The following KIAA1328 variants were observed in gnomAD, a reference collection of about 807,000 sequenced individuals.
KIAA1328 encodes the protein KIAA1328, also known as protein hinderin.
In KIAA1328, 52 loss-of-function variants were observed where a neutral mutation model predicts 68.1. That is an observed-to-expected ratio of 0.76 (90% CI 0.61 to 0.96). The LOEUF is 0.96. Ranked by LOEUF, KIAA1328 falls within the 40% of genes least tolerant of loss-of-function variation. The probability of loss-of-function intolerance (pLI) is 0.00; values close to 1 mark genes in which losing one functional copy is unlikely to be tolerated. For synonymous variants in KIAA1328, 232 were observed against 239.4 expected (o/e 0.97, Z 0.28); for missense variants, 641 against 677.6 (o/e 0.95, Z 0.60).
chr18:36,904,411 A>C (rs1002467420), intron 5 of KIAA1328, among the ~76,000 whole-genome samples: 5 of 152,062 alleles, frequency 3.3e-5, no homozygotes, highest in African/African-American at 1.2e-4. Context: ...TTCCATTTTT[A>C]GATGCACAAA....
intron 7 of KIAA1328, among the ~76,000 whole-genome samples, chr18:37,159,704 A>G (rs1302442043): frequency 6.6e-6 from 1 of 152,198 alleles, no homozygotes; most frequent in African/African-American, 2.4e-5. Flanking sequence ...TATGGAGTCT[A>G]GTTCTTCTAC....
intron 5 of KIAA1328, among the ~76,000 whole-genome samples, chr18:36,917,762 C>T (rs1010899936): frequency 6.6e-6 from 1 of 152,128 alleles, no homozygotes; most frequent in African/African-American, 2.4e-5. Flanking sequence ...CTGACATTGT[C>T]ATCCTTAACT....
chr18:37,169,707 A>T (rs1255864344), intron 8 of KIAA1328, among the ~76,000 whole-genome samples: 1 of 152,268 alleles, frequency 6.6e-6, no homozygotes, highest in Non-Finnish European at 1.5e-5. Flanking sequence ...AAAAAAGAAC[A>T]GTTAAACTTG....
chr18:37,109,405 A>G (rs2057865782), intron 7 of KIAA1328, among the ~76,000 whole-genome samples: 1 of 152,200 alleles, frequency 6.6e-6, no homozygotes, highest in Admixed American at 6.5e-5. Context: ...TAGCCTAAGA[A>G]TTAGCTTTTT....
At chr18:37,120,166 G>A (rs1021530996) in intron 7 of KIAA1328, among the ~76,000 whole-genome samples, 3 of 151,954 alleles carry the variant, frequency 2.0e-5, no homozygotes, top group African/African-American at 7.3e-5. Flanking sequence ...ATCAGAGGCA[G>A]GGGAAGCATA....
chr18:36,833,105 G>A (rs2046552099), intron 1 of KIAA1328: 2 of 152,226 alleles, frequency 1.3e-5, no homozygotes, highest in Non-Finnish European at 2.9e-5. Context: ...GCCTCCCAAA[G>A]TGCTGGGATT....
chr18:36,951,847 C>T (rs9789215), intron 5 of KIAA1328, among the ~76,000 whole-genome samples: 111,429 of 152,182 alleles, frequency 0.73, 43,957 homozygotes, highest in South Asian at 0.89. Flanking sequence ...TCATGCCCCT[C>T]TCATCTCTTG....
chr18:37,154,263 C>T (rs991942198), intron 7 of KIAA1328, among the ~76,000 whole-genome samples: 1 of 152,116 alleles, frequency 6.6e-6, no homozygotes, highest in Non-Finnish European at 1.5e-5. Flanking sequence ...GTCCATCGCT[C>T]TTATTAAAAA....
chr18:37,040,558 T>G (rs1201482127), intron 6 of KIAA1328, among the ~76,000 whole-genome samples: 1 of 152,046 alleles, frequency 6.6e-6, no homozygotes, highest in Non-Finnish European at 1.5e-5. Flanking sequence ...CCAATTTTGT[T>G]TTTGTTTTCT....
chr18:37,196,181 GT>G (rs1176278135), intron 9 of KIAA1328, among the ~76,000 whole-genome samples: 1 of 152,134 alleles, frequency 6.6e-6, no homozygotes, highest in South Asian at 2.1e-4. Flanking sequence ...AATTCTAAGA[GT>G]TTTTGGTGAC....
intron 5 of KIAA1328, among the ~76,000 whole-genome samples, chr18:36,920,910 A>C (rs2049894325): frequency 6.6e-6 from 1 of 152,126 alleles, no homozygotes; most frequent in Admixed American, 6.5e-5. Context: ...TGTGAAGTCT[A>C]GCTAGCATCC....
chr18:36,944,790 G>A (rs2050840485), intron 5 of KIAA1328, among the ~76,000 whole-genome samples: 1 of 152,106 alleles, frequency 6.6e-6, no homozygotes, highest in African/African-American at 2.4e-5. Context: ...CAGCAAAGAG[G>A]ATAAAACCCC....
chr18:37,091,866 C>A (rs1225204863), intron 7 of KIAA1328, among the ~76,000 whole-genome samples: 1 of 152,144 alleles, frequency 6.6e-6, no homozygotes, highest in Non-Finnish European at 1.5e-5. Context: ...CAAAGGGAGC[C>A]AAAGCATGCG....
chr18:36,839,642 G>T (rs1235848311), intron 3 of KIAA1328, among the ~76,000 whole-genome samples: 2 of 152,140 alleles, frequency 1.3e-5, no homozygotes, highest in African/African-American at 4.8e-5. Context: ...AAGACAGTAT[G>T]CATTTTGCCT....
chr18:37,048,376 T>C (rs1307835288), intron 6 of KIAA1328, among the ~76,000 whole-genome samples: 3 of 152,160 alleles, frequency 2.0e-5, no homozygotes, highest in Non-Finnish European at 4.4e-5. Flanking sequence ...TCCTTCTTTA[T>C]GATGTGAGAG....
Position 37,222,184 on chromosome 18 carries a change from A to G in KIAA1328, c.1691A>G (p.Glu564Gly). 1 of 1,597,124 alleles carries G rather than the reference A, an allele frequency of 6.3e-7. No homozygotes were observed. Among genetic ancestry groups the G allele is most frequent in the East Asian group, 2.3e-5 (1 of 44,310 alleles). The part of the protein sequence containing the change: ...KKMGMHRTPE[E>G]LEENQILEDI... ...ATGGGGATGCACAGAACCCCTGAAG[A>G]GTTGGAGGAGAATCAGATTCTGGAA... The change falls in exon 10 of 10, where the codon GAG (glutamate) becomes GGG (glycine). Residue 564 changes from glutamate (E) to glycine (G), a missense_variant. Glu to Gly is a moderately conservative substitution (Grantham distance 98). Coordinates refer to ENST00000280020, the MANE Select transcript of KIAA1328 (RefSeq NM_020776.3).
intron 6 of KIAA1328, among the ~76,000 whole-genome samples, chr18:37,044,275 G>T (rs1041313638): frequency 7.2e-5 from 11 of 151,906 alleles, no homozygotes; most frequent in African/African-American, 2.7e-4. Flanking sequence ...GGTAGTTCCT[G>T]GAATTATGGG....
chr18:37,158,042 CT>C (rs1286076586), intron 7 of KIAA1328, among the ~76,000 whole-genome samples: 3 of 145,646 alleles, frequency 2.1e-5, no homozygotes, highest in East Asian at 2.0e-4. Context: ...TTCTTTCTTT[CT>C]TTTTTTTTGG....
At chr18:36,980,463 C>T (rs1221119544) in intron 6 of KIAA1328, among the ~76,000 whole-genome samples, 1 of 152,148 alleles carries the variant, frequency 6.6e-6, no homozygotes, top group East Asian at 1.9e-4. Context: ...ATGTTCCAGG[C>T]CCAGTTTACT....
Sources: allele counts gnomAD v4.1 joint callset (sites outside exome capture counted in the v4.1 genomes callset), GRCh38; gene constraint gnomAD v4.1.1; transcripts MANE v1.5; gene names NCBI Gene and HGNC (gene_info 2026-07-23, HGNC 2026-07-21).